The following COL6A3 variants were observed in gnomAD, a reference collection of about 807,000 sequenced individuals.
The protein encoded by COL6A3 is collagen alpha-3(VI) chain.
In COL6A3, 137 loss-of-function variants were observed where a neutral mutation model predicts 274.1. The observed-to-expected ratio is 0.50, with a 90% CI of 0.44 to 0.58. COL6A3 has a LOEUF of 0.58. Among genes scored for constraint, COL6A3 ranks in the 20% least tolerant of loss-of-function variants. The pLI, the probability that COL6A3 is intolerant of heterozygous loss-of-function variation, is 0.00. For synonymous variants in COL6A3, 1,650 were observed against 1,650.6 expected, an observed-to-expected ratio of 1.00 and a Z score of 0.01; for missense variants, 3,950 against 4,124.9, an observed-to-expected ratio of 0.96 and a Z score of 1.16.
chr2:237,412,801 G>A (rs2078888472), intron 1 of COL6A3, among the ~76,000 whole-genome samples: 1 of 152,140 alleles, frequency 6.6e-6, no homozygotes. Flanking sequence ...AGCACCCTGT[G>A]GTCCTCGCCG....
intron 17 of COL6A3, among the ~76,000 whole-genome samples, chr2:237,359,612 G>A (rs1006497157): frequency 1.3e-5 from 2 of 152,240 alleles, no homozygotes; most frequent in African/African-American, 4.8e-5. Context: ...GGCTCCCTGG[G>A]CCGGCGGGGG....
intron 42 of COL6A3, among the ~76,000 whole-genome samples, chr2:237,330,481 G>A (rs1700172575): frequency 6.6e-6 from 1 of 152,142 alleles, no homozygotes; most frequent in South Asian, 2.1e-4. Flanking sequence ...TTTTGTGGGG[G>A]TTCATTTGGT....
In COL6A3 at chr2:237,366,828, C is replaced by T. The variant is rs2106350453; in HGVS notation, c.5359G>A (p.Gly1787Arg). Residue 1787 changes from glycine (G) to arginine (R), a missense_variant, in exon 11 of 44, where the codon GGA becomes AGA. By Grantham distance (125) the Gly-to-Arg change is moderately radical. Coordinates refer to ENST00000295550, the MANE Select transcript of COL6A3 (RefSeq NM_004369.4). ...GTGGCGCTGTTGGACGCTATCTTTC[C>T]AACCTCCTCCGAGTCGATATTCCTC... ...GVRNIDSEEV[G>R]KIASNSATAF... 6.2e-7 allele frequency: 1 copy of T among 1,614,250 alleles called. No individual in the cohort carries two copies. Among genetic ancestry groups the T allele is most frequent in the Non-Finnish European group, 8.5e-7 (1 of 1,180,052 alleles).
intron 23 of COL6A3, 175 bp from the exon 24 acceptor site, chr2:237,355,109 G>T: frequency 1.6e-6 from 1 of 606,192 alleles, no homozygotes. Flanking sequence ...GGGGAAACTC[G>T]CACACACAGA....
At position 237,324,643 on chromosome 2, in the gene COL6A3, G is replaced by A. The variant is rs530038104; in HGVS notation, c.*131C>T. On this transcript the variant is annotated 3_prime_UTR_variant, in exon 44 of 44. Coordinates refer to ENST00000295550, the MANE Select transcript of COL6A3 (RefSeq NM_004369.4). ...GTCATGCAGCAGGATGTTCCCTCCCGAGTTCGAGTGTAAATCAAAGCATGA... is the reference window on the plus strand; with the variant it reads ...GTCATGCAGCAGGATGTTCCCTCCCAAGTTCGAGTGTAAATCAAAGCATGA... 7 of 819,926 alleles carry A rather than the reference G, an allele frequency of 8.5e-6. No individual in the cohort carries two copies. The highest frequency in any genetic ancestry group is 6.7e-5 in the African/African-American group (4 of 59,782). The allele number at this position is 819,926 out of a possible 1,614,324, so 50.8% of individuals were successfully genotyped here. A position where few individuals can be genotyped will look rare whatever the true frequency, so the allele number is the denominator to read the frequency against.
In COL6A3 at chr2:237,336,464, G is replaced by GT. The variant is rs747478042; in HGVS notation, c.8635dup (p.Thr2879AsnfsTer53). 6.2e-7 allele frequency: 1 copy of GT among 1,614,152 alleles called. No homozygotes were observed. Among genetic ancestry groups the GT allele is most frequent in the African/African-American group, 1.3e-5 (1 of 75,050 alleles). On this transcript the variant is annotated frameshift_variant, in exon 40 of 44. Transcript: ENST00000295550. LOFTEE classifies it high-confidence loss of function. The stretch of plus-strand genomic sequence containing the variant: ...TGTTGTGGTGGTCACCGGCTTCGTC[G>GT]TAGTCACCGGCTTCGTTGTCGTCAC...
chr2:237,379,176 T>C lies in COL6A3; in HGVS notation c.1957A>G (p.Thr653Ala). 6.2e-7 allele frequency: 1 copy of C among 1,614,128 alleles called. No individual in the cohort carries two copies. The highest frequency in any genetic ancestry group is 8.5e-7 in the Non-Finnish European group (1 of 1,180,020). ...AAGTCGCGCACATAAGGGAAATTGG[T>C]TTTTCCAACGTTGGCTGATCCATCC... ...LLDGSANVGKTNFPYVRDFVM... is the reference protein window; with the variant it reads ...LLDGSANVGKANFPYVRDFVM... The change falls in exon 6 of 44, where the codon ACC (threonine) becomes GCC (alanine). Residue 653 changes from threonine (T) to alanine (A), a missense_variant. Thr to Ala is a moderately conservative substitution (Grantham distance 58). Transcript: ENST00000295550.
intron 42 of COL6A3, chr2:237,327,080 A>T (rs1416103405): frequency 1.3e-5 from 2 of 152,178 alleles, no homozygotes; most frequent in African/African-American, 4.8e-5. Flanking sequence ...AATTTACAAA[A>T]ACAACCTTCT....
At position 237,334,711 on chromosome 2, in the gene COL6A3, C is replaced by T; in HGVS notation, c.9144G>A (p.Leu3048=). The change falls in exon 41 of 44, where the codon CTG becomes CTA. Residue 3048 remains leucine (L), a synonymous_variant. Transcript: ENST00000295550. ...LTVTDRVIGG[L]LAGQTYHVAV... The stretch of plus-strand genomic sequence containing the variant: ...CCACATGGTATGTCTGCCCAGCGAG[C>T]AGGCCTCCAATGACGCGGTCCGTGA... 1.2e-6 allele frequency: 2 copies of T among 1,614,044 alleles called. No homozygotes were observed. Among genetic ancestry groups the T allele is most frequent in the South Asian group, 1.1e-5 (1 of 91,058 alleles).
At chr2:237,410,955 C>G (rs933139797) in intron 1 of COL6A3, among the ~76,000 whole-genome samples, 1 of 152,196 alleles carries the variant, frequency 6.6e-6, no homozygotes, top group Admixed American at 6.5e-5. Flanking sequence ...AAAGCTCCCC[C>G]ACTTTAAAAT....
At chr2:237,397,499 G>A (rs1226703603) in intron 1 of COL6A3, among the ~76,000 whole-genome samples, 2 of 151,672 alleles carry the variant, frequency 1.3e-5, no homozygotes, top group African/African-American at 2.4e-5. Flanking sequence ...GAAGGAGGGA[G>A]GGAGGAAGGG....
At chr2:237,336,081 G>T in intron 40 of COL6A3, 54 bp downstream of exon 40, 1 of 1,606,348 alleles carries the variant, frequency 6.2e-7, no homozygotes, top group Non-Finnish European at 8.5e-7. Context: ...AACACACCCT[G>T]GAGCAGGAAA....
chr2:237,337,055 AT>A (rs974770049), intron 39 of COL6A3, among the ~76,000 whole-genome samples: 17 of 151,212 alleles, frequency 1.1e-4, no homozygotes, highest in East Asian at 3.9e-4. Context: ...GTGTATGTGT[AT>A]TTTTTTTTAC....
At chr2:237,357,710 G>A (rs1429477571) in intron 22 of COL6A3, 107 bp downstream of exon 22, 2 of 1,125,102 alleles carry the variant, frequency 1.8e-6, no homozygotes, top group Non-Finnish European at 2.7e-6. Flanking sequence ...CTACGTTGCA[G>A]TGTTAAAGGC....
In COL6A3 at chr2:237,380,221, G is replaced by A. The variant is rs150089429; in HGVS notation, c.1897+694C>T. 4.4e-3 allele frequency among the ~76,000 whole-genome samples: 675 copies of A among 152,326 alleles called. 4 individuals are homozygous for A. The highest frequency in any genetic ancestry group is 0.015 in the African/African-American group (635 of 41,570). On this transcript the variant is annotated intron_variant, in intron 5 of 43. Transcript: ENST00000295550. Reference sequence around the variant, plus strand: ...CATGCCTGCATCAGGCAATCCTCTAGTGATCGAGTCTGCAAGGTGGGAAAG... The same window carrying A: ...CATGCCTGCATCAGGCAATCCTCTAATGATCGAGTCTGCAAGGTGGGAAAG...
Position 237,353,369 on chromosome 2 carries a change from T to A in COL6A3, c.6662A>T (p.Glu2221Val), listed in dbSNP as rs2106334478. Residue 2221 changes from glutamate to valine, a missense_variant, in exon 25 of 44, where the codon GAG (glutamate) becomes GTG (valine). Transcript: ENST00000295550. ...NKGGPGQPGF[E>V]GEQGTRGAQG... ...TGCACCTCTGGTCCCCTGCTCTCCC[T>A]CAAAGCCCGGCTGGCCAGGACCGCC... The A allele has an allele frequency of 6.2e-7, 1 of 1,614,152 alleles. No homozygotes were observed. Among genetic ancestry groups the A allele is most frequent in the Admixed American group, 1.7e-5 (1 of 60,014 alleles).
intron 4 of COL6A3, chr2:237,386,597 T>C (rs532751618): frequency 6.6e-6 from 1 of 152,216 alleles, no homozygotes; most frequent in Non-Finnish European, 1.5e-5. Flanking sequence ...CCAATTTTCA[T>C]TGAGCCCATA....
intron 1 of COL6A3, among the ~76,000 whole-genome samples, chr2:237,410,300 CTTTTTTT>C (rs552676030): frequency 1.6e-5 from 2 of 126,214 alleles, no homozygotes; most frequent in Non-Finnish European, 3.4e-5. Flanking sequence ...AATTTCTTTT[CTTTTTTT>C]TTTTTTTTTT....
At position 237,372,212 on chromosome 2, in the gene COL6A3, T is replaced by C. The variant is rs2077710893; in HGVS notation, c.3805A>G (p.Thr1269Ala). Residue 1269 changes from threonine to alanine, a missense_variant, in exon 9 of 44, where the codon ACC (threonine) becomes GCC (alanine). Around this residue, in one of 5 missense-constraint regions of COL6A3, gnomAD observed 1,934 missense variants for 1,984.3 expected, o/e 0.97. Coordinates refer to ENST00000295550, the MANE Select transcript of COL6A3 (RefSeq NM_004369.4). ...CTGAACTGGATGACAGCCACCCGGG[T>C]GGTGTCAAAGCCCACGTCCAGGTAG... ...VDYLDVGFDT[T>A]RVAVIQFSDD... 6.2e-7 allele frequency: 1 copy of C among 1,613,756 alleles called. No individual in the cohort carries two copies. Among genetic ancestry groups the C allele is most frequent in the Admixed American group, 1.7e-5 (1 of 59,994 alleles).
Sources: gnomAD v4.1 joint callset for allele counts (sites outside exome capture counted in the v4.1 genomes callset) on GRCh38, gnomAD v4.1.1 for gene constraint, gnomAD v4.1.1 regional missense constraint, MANE v1.5 for transcripts, NCBI Gene and HGNC (gene_info 2026-07-23, HGNC 2026-07-21) for gene names.